The following ATG5 variants were observed in gnomAD, a reference collection of about 807,000 sequenced individuals.
The protein encoded by ATG5 is autophagy related 5.
A neutral mutation model predicts 36.5 loss-of-function variants in ATG5; 14 were observed. The ratio of observed to expected loss-of-function variants is 0.38; its 90% CI spans 0.25 to 0.60. ATG5 has a LOEUF of 0.60. ATG5 is among the 20% of genes least tolerant of loss of function. The pLI is 0.60. For missense variants in ATG5, 195 were observed against 326.7 expected (o/e 0.60, Z 3.11); for synonymous variants, 95 against 101.5 (o/e 0.94, Z 0.38).
chr6:106,279,823 T>C lies in ATG5; in HGVS notation c.316A>G (p.Ser106Gly). The stretch of plus-strand genomic sequence containing the variant: ...TGCAGAAGGTCTTTTTCTGGAAAAC[T>C]CTATCAAAGGAAAAAATATACATAT... The part of the protein sequence containing the change: ...LPWNITVHFK[S>G]FPEKDLLHCP... The change falls in exon 5 of 8, where the codon AGT becomes GGT. Residue 106 changes from serine (S) to glycine (G), a missense_variant and splice_region_variant. Transcript: ENST00000369076. 1.3e-6 allele frequency: 2 copies of C among 1,488,604 alleles called. No homozygotes were observed. The highest frequency in any genetic ancestry group is 9.0e-7 in the Non-Finnish European group (1 of 1,114,670). The allele number at this position is 1,488,604 out of a possible 1,614,324, so 92.2% of individuals were successfully genotyped here.
At chr6:106,291,884 AT>A (rs1314430792) in intron 4 of ATG5, among the ~76,000 whole-genome samples, 3 of 152,264 alleles carry the variant, frequency 2.0e-5, no homozygotes, top group Non-Finnish European at 4.4e-5. Context: ...ATAACATGGT[AT>A]TGTGCAAAGC....
intron 6 of ATG5, among the ~76,000 whole-genome samples, chr6:106,227,909 G>C (rs1316185178): frequency 6.6e-6 from 1 of 152,100 alleles, no homozygotes; most frequent in Non-Finnish European, 1.5e-5. Flanking sequence ...GAAGGAGAAG[G>C]AATAAGGAAC....
chr6:106,279,348 T>C (rs938994364), intron 5 of ATG5, among the ~76,000 whole-genome samples: 5 of 152,148 alleles, frequency 3.3e-5, no homozygotes, highest in Non-Finnish European at 7.4e-5. Flanking sequence ...CACAGAAGGG[T>C]CATGACTAAG....
intron 6 of ATG5, among the ~76,000 whole-genome samples, chr6:106,231,998 G>T (rs768284137): frequency 5.3e-5 from 8 of 152,114 alleles, no homozygotes; most frequent in Admixed American, 5.2e-4. Context: ...GAAATAAGCC[G>T]CCCCCTCGTC....
At chr6:106,268,912 GACAAATACCTAATGTATGCAAGGCTTAAA>G (rs985987544) in intron 5 of ATG5, among the ~76,000 whole-genome samples, 1 of 152,034 alleles carries the variant, frequency 6.6e-6, no homozygotes, top group Non-Finnish European at 1.5e-5. Context: ...GGAACATTAG[GACAAATACCTAATGTATGCAAGGCTTAAA>G]ACATAGATGA....
At chr6:106,195,703 G>A (rs531133999) in intron 7 of ATG5, among the ~76,000 whole-genome samples, 2 of 151,662 alleles carry the variant, frequency 1.3e-5, no homozygotes, top group African/African-American at 4.8e-5. Flanking sequence ...GTTTGCATGG[G>A]GAGAAGTCTG....
At chr6:106,274,940 T>C (rs573456109) in intron 5 of ATG5, among the ~76,000 whole-genome samples, 1 of 152,246 alleles carries the variant, frequency 6.6e-6, no homozygotes, top group East Asian at 1.9e-4. Flanking sequence ...GGACAAAAGG[T>C]CATGAAAGTT....
chr6:106,214,950 A>G (rs1181611598), intron 6 of ATG5, among the ~76,000 whole-genome samples: 1 of 152,216 alleles, frequency 6.6e-6, no homozygotes, highest in African/African-American at 2.4e-5. Flanking sequence ...ATTTTCTCCC[A>G]AAAGATCTGA....
chr6:106,195,925 G>A (rs1035243141), intron 7 of ATG5, among the ~76,000 whole-genome samples: 1 of 150,454 alleles, frequency 6.6e-6, no homozygotes, highest in Non-Finnish European at 1.5e-5. Context: ...TCTTTTAAAA[G>A]AACAGCTTCA....
intron 6 of ATG5, among the ~76,000 whole-genome samples, chr6:106,218,004 G>C (rs1367802939): frequency 6.6e-6 from 1 of 152,080 alleles, no homozygotes; most frequent in African/African-American, 2.4e-5. Flanking sequence ...TTATTAAACA[G>C]GGTTCTAAGA....
intron 3 of ATG5, among the ~76,000 whole-genome samples, chr6:106,299,998 T>C (rs535162720): frequency 1.3e-5 from 2 of 152,332 alleles, no homozygotes; most frequent in Admixed American, 1.3e-4. Context: ...ACTTACTCTA[T>C]ATGTAGGACA....
At chr6:106,297,511 T>G (rs76426438) in intron 3 of ATG5, among the ~76,000 whole-genome samples, 3,176 of 152,170 alleles carry the variant, frequency 0.021, 98 homozygotes, top group African/African-American at 0.073. Context: ...CTAGAACCTC[T>G]CAGAGGTATA....
chr6:106,281,217 G>A (rs1779865319), intron 4 of ATG5, among the ~76,000 whole-genome samples: 1 of 152,124 alleles, frequency 6.6e-6, no homozygotes, highest in African/African-American at 2.4e-5. Flanking sequence ...TCAAACTTAT[G>A]ATTCACATAC....
intron 7 of ATG5, among the ~76,000 whole-genome samples, chr6:106,191,136 T>C (rs1325324646): frequency 1.3e-5 from 2 of 152,182 alleles, no homozygotes; most frequent in African/African-American, 2.4e-5. Context: ...AAAGAATATA[T>C]ACATATATAT....
intron 5 of ATG5, among the ~76,000 whole-genome samples, chr6:106,264,626 G>C (rs1779156714): frequency 6.6e-6 from 1 of 152,222 alleles, no homozygotes; most frequent in Non-Finnish European, 1.5e-5. Context: ...AAGCCCATCA[G>C]ACTAACAGCG....
At chr6:106,206,233 C>CTT (rs920029793) in intron 6 of ATG5, among the ~76,000 whole-genome samples, 4 of 113,258 alleles carry the variant, frequency 3.5e-5, no homozygotes, top group Non-Finnish European at 6.8e-5. Flanking sequence ...GCTTGTAAGG[C>CTT]TTTTGCCCCT....
At chr6:106,200,832 A>T (rs1416197768) in intron 7 of ATG5, among the ~76,000 whole-genome samples, 2 of 152,076 alleles carry the variant, frequency 1.3e-5, no homozygotes, top group African/African-American at 4.8e-5. Flanking sequence ...AATTTCCCCT[A>T]TAGTTTAGTA....
chr6:106,213,195 G>A (rs1776920367), intron 6 of ATG5, among the ~76,000 whole-genome samples: 1 of 152,112 alleles, frequency 6.6e-6, no homozygotes, highest in Non-Finnish European at 1.5e-5. Context: ...ATTTACCAGG[G>A]TATCACTATG....
chr6:106,264,636 G>A (rs141339667), intron 5 of ATG5, among the ~76,000 whole-genome samples: 37 of 152,234 alleles, frequency 2.4e-4, no homozygotes, highest in Admixed American at 7.2e-4. Context: ...GACTAACAGC[G>A]GATCTCTCTG....
Sources: gnomAD v4.1 joint callset for allele counts (sites outside exome capture counted in the v4.1 genomes callset) on GRCh38, gnomAD v4.1.1 for gene constraint, MANE v1.5 for transcripts, NCBI Gene and HGNC (gene_info 2026-07-23, HGNC 2026-07-21) for gene names.